Variants in GALNT18 observed in about 807,000 individuals in gnomAD.
The protein encoded by GALNT18 is GalNAc-transferase 18.
In GALNT18, 44 loss-of-function variants were observed where a neutral mutation model predicts 69.5. The ratio of observed to expected loss-of-function variants is 0.63; its 90% CI spans 0.50 to 0.81. The LOEUF is 0.81. GALNT18 is among the 40% of genes least tolerant of loss of function. The pLI is 0.00. For synonymous variants in GALNT18, 364 were observed against 318.2 expected, an observed-to-expected ratio of 1.14 and a Z score of -1.53; for missense variants, 715 against 810.0, an observed-to-expected ratio of 0.88 and a Z score of 1.42.
At chr11:11,363,357 G>A (rs990863245) in intron 6 of GALNT18, among the ~76,000 whole-genome samples, 7 of 152,124 alleles carry the variant, frequency 4.6e-5, no homozygotes, top group Admixed American at 4.6e-4. Flanking sequence ...GTACAGAGAG[G>A]AACACTTCTA....
In GALNT18 at chr11:11,616,052, T is replaced by C. The variant is rs370932319; in HGVS notation, c.235+5307A>G. Among the ~76,000 whole-genome samples, 5 of 152,258 alleles carry C rather than the reference T, an allele frequency of 3.3e-5. No homozygotes were observed. The highest frequency in any genetic ancestry group is 1.2e-4 in the African/African-American group (5 of 41,550). ...GGTCTCACCATGTTGTCCAGGTTGG[T>C]CTTGAACTCCTGGGCTCAAGTGATC... is the stretch of plus-strand genomic sequence containing the variant. On this transcript the variant is annotated intron_variant, in intron 1 of 10. Transcript: ENST00000227756. The surrounding 1 kb of genome is among the most constrained non-coding windows in gnomAD (Gnocchi z 4.4).
At chr11:11,488,109 T>C (rs1348467267) in intron 1 of GALNT18, among the ~76,000 whole-genome samples, 1 of 152,200 alleles carries the variant, frequency 6.6e-6, no homozygotes, top group Non-Finnish European at 1.5e-5. Context: ...ATAGAGTATA[T>C]TACTTTCCTA....
At chr11:11,478,513 C>T (rs912396861) in intron 1 of GALNT18, among the ~76,000 whole-genome samples, 11 of 152,150 alleles carry the variant, frequency 7.2e-5, no homozygotes, top group African/African-American at 1.9e-4. Context: ...ACGGCAGCAC[C>T]GAGGCAGGCC....
chr11:11,525,929 C>T (rs1488985115), intron 1 of GALNT18, among the ~76,000 whole-genome samples: 3 of 152,110 alleles, frequency 2.0e-5, no homozygotes, highest in Admixed American at 6.5e-5. Flanking sequence ...CCACCGTGCC[C>T]GGCCACGCAT....
chr11:11,510,385 C>A (rs1265007628), intron 1 of GALNT18, among the ~76,000 whole-genome samples: 4 of 152,192 alleles, frequency 2.6e-5, no homozygotes. Context: ...AAGCTCCCTA[C>A]CCTGGGTCGT....
chr11:11,271,689 C>A (rs930293546), intron 10 of GALNT18, among the ~76,000 whole-genome samples: 5 of 152,184 alleles, frequency 3.3e-5, no homozygotes, highest in African/African-American at 1.2e-4. Context: ...AGGCCTGGGG[C>A]TTCCTGCTCC....
At chr11:11,478,742 G>A (rs919608225) in intron 1 of GALNT18, among the ~76,000 whole-genome samples, 41 of 151,450 alleles carry the variant, frequency 2.7e-4, no homozygotes, top group Non-Finnish European at 1.8e-4. Flanking sequence ...TCTCTGGCCC[G>A]TTCTGTTTCA....
intron 7 of GALNT18, among the ~76,000 whole-genome samples, chr11:11,335,217 A>G (rs547321464): frequency 1.3e-5 from 2 of 152,332 alleles, no homozygotes; most frequent in East Asian, 3.9e-4. Flanking sequence ...ACGATCGAGT[A>G]AAAGATGAGA....
rs1024840947 is a variant in GALNT18, at chr11:11,546,061, T to G, written c.235+75298A>C. Among the ~76,000 whole-genome samples, 3 of 151,884 alleles carry G rather than the reference T, an allele frequency of 2.0e-5. No homozygotes were observed. The highest frequency in any genetic ancestry group is 2.0e-4 in the Admixed American group (3 of 15,256). ...CAAACAAGCAGGATTAGGCCCCTCT[T>G]CTCCCCAGCCACTCAGCCAAGCTGC... On this transcript the variant is annotated intron_variant, in intron 1 of 10. Coordinates refer to ENST00000227756, the MANE Select transcript of GALNT18 (RefSeq NM_198516.3). The surrounding 1 kb of genome is among the most constrained non-coding windows in gnomAD (Gnocchi z 5.8).
intron 1 of GALNT18, among the ~76,000 whole-genome samples, chr11:11,571,366 G>C (rs1218778378): frequency 6.6e-6 from 1 of 152,234 alleles, no homozygotes; most frequent in Non-Finnish European, 1.5e-5. Context: ...GTCTGCAATA[G>C]GTGTCTCAGC....
chr11:11,292,811 T>C (rs1849326390), intron 10 of GALNT18, among the ~76,000 whole-genome samples: 1 of 152,116 alleles, frequency 6.6e-6, no homozygotes, highest in Non-Finnish European at 1.5e-5. Context: ...TCAGAGCCAA[T>C]ATCACAGGGG....
intron 7 of GALNT18, among the ~76,000 whole-genome samples, chr11:11,336,840 G>T (rs1246927519): frequency 6.6e-6 from 1 of 152,180 alleles, no homozygotes; most frequent in South Asian, 2.1e-4. Flanking sequence ...GAGTCTGGGA[G>T]TTTCAGACAA....
At chr11:11,575,788 G>A (rs930621168) in intron 1 of GALNT18, among the ~76,000 whole-genome samples, 1 of 152,230 alleles carries the variant, frequency 6.6e-6, no homozygotes, top group African/African-American at 2.4e-5. Context: ...GGAGGAAGGA[G>A]GGGAGCCACT....
At chr11:11,310,320 T>A (rs1308156523) in intron 9 of GALNT18, among the ~76,000 whole-genome samples, 1 of 152,248 alleles carries the variant, frequency 6.6e-6, no homozygotes, top group East Asian at 1.9e-4. Flanking sequence ...AATCACCACT[T>A]AAAAAGCTTT....
intron 1 of GALNT18, among the ~76,000 whole-genome samples, chr11:11,581,915 C>G (rs1255509829): frequency 6.6e-6 from 1 of 152,034 alleles, no homozygotes; most frequent in Non-Finnish European, 1.5e-5. Flanking sequence ...CACCAGATGT[C>G]AGGCATCTGG....
At chr11:11,525,377 A>G (rs4910370) in intron 1 of GALNT18, among the ~76,000 whole-genome samples, 96,483 of 151,928 alleles carry the variant, frequency 0.64, 31,263 homozygotes, top group East Asian at 0.87. Flanking sequence ...AGACTGTTAG[A>G]TGAAAACCAG....
At chr11:11,295,796 G>A (rs1305522697) in intron 9 of GALNT18, among the ~76,000 whole-genome samples, 2 of 152,150 alleles carry the variant, frequency 1.3e-5, no homozygotes, top group African/African-American at 2.4e-5. Flanking sequence ...TATAACAAAG[G>A]TGAAGGATTC....
intron 7 of GALNT18, among the ~76,000 whole-genome samples, chr11:11,335,231 G>A (rs1381120119): frequency 6.6e-6 from 1 of 152,144 alleles, no homozygotes; most frequent in Non-Finnish European, 1.5e-5. Context: ...GATGAGAGAG[G>A]TACAATCCAC....
intron 6 of GALNT18, among the ~76,000 whole-genome samples, chr11:11,348,206 C>T (rs938731860): frequency 3.4e-5 from 5 of 148,240 alleles, no homozygotes; most frequent in African/African-American, 1.1e-4. Flanking sequence ...GGTGAAACCC[C>T]ATCTCTGCTA....
Sources: allele counts gnomAD v4.1 joint callset (sites outside exome capture counted in the v4.1 genomes callset), GRCh38; gene constraint gnomAD v4.1.1; non-coding constraint Gnocchi (gnomAD v3.1); transcripts MANE v1.5; gene names NCBI Gene and HGNC (gene_info 2026-07-23, HGNC 2026-07-21).